ZNF385D: variants seen among roughly 807,000 people sequenced by gnomAD.
ZNF385D encodes the protein zinc finger protein 659.
Under a neutral mutation model 35.8 loss-of-function variants are expected in ZNF385D, and 15 were observed. The ratio of observed to expected loss-of-function variants is 0.42; its 90% CI spans 0.28 to 0.64. The LOEUF is 0.64. ZNF385D is among the 30% of genes least tolerant of loss of function. The pLI is 0.23. For missense variants in ZNF385D, 474 were observed against 494.6 expected, an observed-to-expected ratio of 0.96 and a Z score of 0.39; for synonymous variants, 212 against 186.8, an observed-to-expected ratio of 1.13 and a Z score of -1.10.
At chr3:22,209,302 T>C (rs1046276762) in intron 2 of ZNF385D, among the ~76,000 whole-genome samples, 1 of 151,904 alleles carries the variant, frequency 6.6e-6, no homozygotes, top group Non-Finnish European at 1.5e-5. Flanking sequence ...ATAAATACAA[T>C]TAAATAAGCT....
chr3:22,039,253 G>T (rs1698516719), intron 3 of ZNF385D, among the ~76,000 whole-genome samples: 1 of 67,052 alleles, frequency 1.5e-5, no homozygotes, highest in Non-Finnish European at 3.1e-5. Context: ...TATAATCCAA[G>T]CCAAAAAAAA....
intron 3 of ZNF385D, among the ~76,000 whole-genome samples, chr3:22,021,114 G>A (rs1423153300): frequency 2.0e-5 from 3 of 151,870 alleles, no homozygotes; most frequent in Non-Finnish European, 4.4e-5. Flanking sequence ...GCAAGAGTGA[G>A]GGGGATGGGG....
chr3:21,812,108 T>C (rs764337389), intron 3 of ZNF385D, among the ~76,000 whole-genome samples: 76 of 152,130 alleles, frequency 5.0e-4, no homozygotes, highest in South Asian at 1.2e-3. Flanking sequence ...AAAGATATAA[T>C]TGGTCAAATT....
At chr3:21,994,415 A>G (rs1257813692) in intron 3 of ZNF385D, among the ~76,000 whole-genome samples, 1 of 152,108 alleles carries the variant, frequency 6.6e-6, no homozygotes. Context: ...TCTTTGTTGA[A>G]TTTCTTATTC....
chr3:22,077,299 A>T (rs1164919481), intron 3 of ZNF385D, among the ~76,000 whole-genome samples: 1 of 151,944 alleles, frequency 6.6e-6, no homozygotes, highest in East Asian at 1.9e-4. Context: ...GTTAAATTCT[A>T]CTTCTTCCAT....
chr3:22,365,606 C>T (rs1373666700), intron 2 of ZNF385D, among the ~76,000 whole-genome samples: 1 of 152,048 alleles, frequency 6.6e-6, no homozygotes, highest in Non-Finnish European at 1.5e-5. Context: ...TTCAATTTAA[C>T]ACACCACCAA....
chr3:21,503,420 C>T (rs537514775), intron 4 of ZNF385D, among the ~76,000 whole-genome samples: 3 of 152,252 alleles, frequency 2.0e-5, no homozygotes, highest in Admixed American at 2.0e-4. Context: ...GGAAAACAGA[C>T]ACAAAAGCTA....
intron 2 of ZNF385D, among the ~76,000 whole-genome samples, chr3:22,204,665 T>A (rs1443379732): frequency 2.6e-5 from 4 of 151,830 alleles, no homozygotes; most frequent in African/African-American, 9.7e-5. Flanking sequence ...ACAAAGATAC[T>A]GAAATAAGTA....
intron 3 of ZNF385D, among the ~76,000 whole-genome samples, chr3:22,128,706 G>A (rs1287933128): frequency 2.0e-5 from 3 of 152,078 alleles, no homozygotes; most frequent in South Asian, 2.1e-4. Context: ...CAGAGCAGCA[G>A]AATTTTGAAG....
At chr3:21,503,274 A>T (rs1706522959) in intron 4 of ZNF385D, among the ~76,000 whole-genome samples, 1 of 152,214 alleles carries the variant, frequency 6.6e-6, no homozygotes, top group Non-Finnish European at 1.5e-5. Context: ...ATTCATGTAC[A>T]ATATATCCTA....
At chr3:22,264,183 TG>T (rs1700777963) in intron 2 of ZNF385D, among the ~76,000 whole-genome samples, 1 of 151,958 alleles carries the variant, frequency 6.6e-6, no homozygotes, top group African/African-American at 2.4e-5. Context: ...GACTAGGTCT[TG>T]GCAGAAATTC....
At chr3:21,668,845 T>C (rs1250601932) in intron 1 of ZNF385D, among the ~76,000 whole-genome samples, 2 of 152,216 alleles carry the variant, frequency 1.3e-5, no homozygotes, top group African/African-American at 4.8e-5. Context: ...CATATTTAAA[T>C]AGAAACTATT....
intron 3 of ZNF385D, among the ~76,000 whole-genome samples, chr3:22,146,654 A>G (rs535280897): frequency 9.9e-5 from 15 of 152,112 alleles, no homozygotes; most frequent in Non-Finnish European, 2.2e-4. Context: ...TGTAAAATCA[A>G]TGAATGAATA....
chr3:22,152,447 T>C (rs1396423468), intron 3 of ZNF385D, among the ~76,000 whole-genome samples: 1 of 152,180 alleles, frequency 6.6e-6, no homozygotes, highest in Non-Finnish European at 1.5e-5. Context: ...GTCAGAAGTC[T>C]GAAATGGATT....
chr3:22,251,090 A>C (rs1700038881), intron 2 of ZNF385D, among the ~76,000 whole-genome samples: 1 of 152,148 alleles, frequency 6.6e-6, no homozygotes, highest in Non-Finnish European at 1.5e-5. Context: ...AGCCACTTGC[A>C]ATTTCAGTAT....
At chr3:21,908,749 T>A (rs1218501707) in intron 3 of ZNF385D, among the ~76,000 whole-genome samples, 1 of 152,092 alleles carries the variant, frequency 6.6e-6, no homozygotes, top group African/African-American at 2.4e-5. Flanking sequence ...GAATCCTTTG[T>A]ATACTGGTTC....
At chr3:22,064,977 T>A (rs1014255599) in intron 3 of ZNF385D, among the ~76,000 whole-genome samples, 1 of 152,222 alleles carries the variant, frequency 6.6e-6, no homozygotes, top group African/African-American at 2.4e-5. Context: ...AATTATATTA[T>A]GACGGTATAA....
At chr3:22,005,714 T>A (rs1278514003) in intron 3 of ZNF385D, among the ~76,000 whole-genome samples, 1 of 152,070 alleles carries the variant, frequency 6.6e-6, no homozygotes, top group Non-Finnish European at 1.5e-5. Flanking sequence ...TAAGCTTCCC[T>A]TTGAAAATAA....
At chr3:21,770,259 G>A (rs905650622) in intron 3 of ZNF385D, among the ~76,000 whole-genome samples, 2 of 152,054 alleles carry the variant, frequency 1.3e-5, no homozygotes, top group Non-Finnish European at 1.5e-5. Flanking sequence ...AAACTAAAGA[G>A]CTTCTGCACA....
Sources: allele counts gnomAD v4.1 joint callset (sites outside exome capture counted in the v4.1 genomes callset), GRCh38; gene constraint gnomAD v4.1.1; transcripts MANE v1.5; gene names NCBI Gene and HGNC (gene_info 2026-07-23, HGNC 2026-07-21).